PKD1L1: variants seen among roughly 807,000 people sequenced by gnomAD.
PKD1L1 encodes polycystin 1 like 1, transient receptor potential channel interacting, also known as polycystin-1-like protein 1.
Under a neutral mutation model 323.4 loss-of-function variants are expected in PKD1L1, and 236 were observed. The ratio of observed to expected loss-of-function variants is 0.73; its 90% CI spans 0.66 to 0.81. The LOEUF (loss-of-function observed/expected upper bound fraction) is 0.81, where lower values mean the gene tolerates loss of function less well. PKD1L1 is among the 40% of genes least tolerant of loss of function. PKD1L1 has a pLI of 0.00. For missense variants in PKD1L1, 3,320 were observed against 3,508.0 expected (o/e 0.95, Z 1.35); for synonymous variants, 1,344 against 1,335.0 (o/e 1.01, Z -0.15).
chr7:47,819,708 C>A, intron 46 of PKD1L1: 1 of 538,634 alleles, frequency 1.9e-6, no homozygotes, highest in Non-Finnish European at 3.0e-6. Flanking sequence ...AGCACTGGGA[C>A]TTCCAGGTCT....
the PKD1L1 span, among the ~76,000 whole-genome samples, chr7:47,955,224 CA>C: frequency 6.6e-6 from 1 of 152,086 alleles, no homozygotes; most frequent in Admixed American, 6.6e-5. Context: ...GGCATAACAT[CA>C]AAATGACAAA....
intron 56 of PKD1L1, among the ~76,000 whole-genome samples, chr7:47,784,634 G>A (rs6950124): frequency 0.28 from 42,074 of 151,480 alleles, 6,116 homozygotes; most frequent in East Asian, 0.57. Flanking sequence ...CATTATGCCC[G>A]CTAATTTTTT....
intron 56 of PKD1L1, among the ~76,000 whole-genome samples, chr7:47,790,048 C>G (rs1174019818): frequency 6.6e-6 from 1 of 150,822 alleles, no homozygotes; most frequent in Non-Finnish European, 1.5e-5. Flanking sequence ...GCCATGACGC[C>G]CAGCTAATTT....
intron 7 of PKD1L1, among the ~76,000 whole-genome samples, chr7:47,921,273 CAGCA>C (rs1487780354): frequency 2.0e-5 from 3 of 148,532 alleles, no homozygotes; most frequent in Non-Finnish European, 4.5e-5. Flanking sequence ...TACAAATGGC[CAGCA>C]AACATATGAA....
chr7:47,831,408 C>A, intron 41 of PKD1L1, 56 bp from the exon 42 acceptor site: 1 of 1,562,896 alleles, frequency 6.4e-7, no homozygotes, highest in Non-Finnish European at 8.7e-7. Context: ...CATCTCCATC[C>A]ACGCGGAGTG....
At chr7:47,801,846 T>C (rs1784669065) in intron 53 of PKD1L1, among the ~76,000 whole-genome samples, 2 of 152,242 alleles carry the variant, frequency 1.3e-5, no homozygotes, top group Non-Finnish European at 2.9e-5. Flanking sequence ...AGAATTCTGC[T>C]ACTTAATTTG....
intron 52 of PKD1L1, among the ~76,000 whole-genome samples, chr7:47,807,585 G>A (rs3887211): frequency 0.65 from 98,189 of 152,012 alleles, 31,892 homozygotes; most frequent in South Asian, 0.69. Context: ...AGGAGGCAGA[G>A]TATGTGGGCT....
chr7:47,922,887 G>T (rs944382493), intron 7 of PKD1L1, among the ~76,000 whole-genome samples: 3 of 152,224 alleles, frequency 2.0e-5, no homozygotes, highest in African/African-American at 7.2e-5. Flanking sequence ...CGGTTTTGTC[G>T]AATAGAAAAG....
At chr7:47,930,884 T>C (rs958043070) in intron 6 of PKD1L1, among the ~76,000 whole-genome samples, 8 of 152,140 alleles carry the variant, frequency 5.3e-5, no homozygotes, top group African/African-American at 1.9e-4. Flanking sequence ...CAGTATGTGA[T>C]TGATGGGAAA....
At chr7:47,836,804 T>A (rs1383573195) in intron 37 of PKD1L1, 117 bp downstream of exon 37, 7 of 1,277,234 alleles carry the variant, frequency 5.5e-6, no homozygotes, top group Non-Finnish European at 7.5e-6. Flanking sequence ...CCAGGCTTGC[T>A]TCCCCTGGTT....
chr7:47,893,917 G>C lies in PKD1L1; in HGVS notation c.2414C>G (p.Thr805Ser). 1 of 1,614,016 alleles carries C rather than the reference G, an allele frequency of 6.2e-7. No individual in the cohort carries two copies. The highest frequency in any genetic ancestry group is 8.5e-7 in the Non-Finnish European group (1 of 1,180,006). Residue 805 changes from threonine to serine, a missense_variant, in exon 15 of 57, where the codon ACC (threonine) becomes AGC (serine). By Grantham distance (58) the Thr-to-Ser change is moderately conservative. Transcript: ENST00000289672. ...TTSSPIVLRG[T>S]QSFDPDDPGA... ...AGGGTCGTCAGGGTCGAAGGACTGG[G>C]TCCCTCTGAGGACAATGGGGGATGA...
rs1163862466 is a variant in PKD1L1 at position 47,881,498 on chromosome 7, T to C, written c.3442+411A>G. ...ACACGAAAGGGGGAAATACAACAAATTGAGCAAAAGCACCATGTCTGGGCT... is the reference window on the plus strand; with the variant it reads ...ACACGAAAGGGGGAAATACAACAAACTGAGCAAAAGCACCATGTCTGGGCT... On this transcript the variant is annotated intron_variant, in intron 20 of 56. Coordinates refer to ENST00000289672, the MANE Select transcript of PKD1L1 (RefSeq NM_138295.5). Among the ~76,000 whole-genome samples the C allele has an allele frequency of 2.0e-5, 3 of 152,250 alleles. No homozygotes were observed. In the East Asian group the frequency reaches 5.8e-4, roughly 29 times the overall value.
intron 24 of PKD1L1, among the ~76,000 whole-genome samples, chr7:47,867,425 T>C (rs911422694): frequency 6.6e-6 from 1 of 152,004 alleles, no homozygotes; most frequent in African/African-American, 2.4e-5. Flanking sequence ...AATAAACATA[T>C]AAACCAATGA....
At chr7:47,822,594 CAAAAAAA>C (rs745820560) in intron 45 of PKD1L1, among the ~76,000 whole-genome samples, 2 of 71,402 alleles carry the variant, frequency 2.8e-5, no homozygotes, top group African/African-American at 5.9e-5. Context: ...GACTCCGTCT[CAAAAAAA>C]AAAAAAAAAA....
chr7:47,884,489 G>A lies in PKD1L1; in HGVS notation c.3265+109C>T. On this transcript the variant is annotated intron_variant, in intron 19 of 56. Transcript: ENST00000289672. Reference sequence around the variant, plus strand: ...GAGTTCAACTTTTCCCTGTGATTCTGTGGAGCTCTCAGTGGCTGTGTAAGG... The same window carrying A: ...GAGTTCAACTTTTCCCTGTGATTCTATGGAGCTCTCAGTGGCTGTGTAAGG... The A allele has an allele frequency of 5.2e-6, 5 of 956,862 alleles. No homozygotes were observed. In the South Asian group the frequency reaches 5.5e-5, roughly 10 times the overall value. 59.3% of individuals were successfully genotyped at this position (956,862 alleles called of 1,614,324 possible). A position where few individuals can be genotyped will look rare whatever the true frequency, so the allele number is the denominator to read the frequency against.
intron 12 of PKD1L1, among the ~76,000 whole-genome samples, chr7:47,903,538 A>G (rs566681631): frequency 6.6e-6 from 1 of 152,302 alleles, no homozygotes; most frequent in African/African-American, 2.4e-5. Flanking sequence ...TCCTGAATCC[A>G]TAGTTAGTGA....
In PKD1L1 at chr7:47,815,351, G is replaced by A. The variant is rs143119133; in HGVS notation, c.7072C>T (p.Arg2358Cys). 1,372 of 1,613,956 alleles carry A rather than the reference G, an allele frequency of 8.5e-4. 14 individuals are homozygous for A. In the African/African-American group the frequency reaches 0.016, roughly 18 times the overall value. Residue 2358 changes from arginine (R) to cysteine (C), a missense_variant, in exon 47 of 57, where the codon CGT (arginine) becomes TGT (cysteine). Coordinates refer to ENST00000289672, the MANE Select transcript of PKD1L1 (RefSeq NM_138295.5). ...GLYPGGTPSA[R>C]VPGAQPGALG... is the part of the protein sequence containing the mutation. ...AAGCTCACCTGAGCCCCCGGCACAC[G>A]GGCTGACGGGGTGCCTCCCGGGTAC...
intron 3 of PKD1L1, among the ~76,000 whole-genome samples, chr7:47,938,394 A>G (rs1787912318): frequency 1.3e-5 from 2 of 152,150 alleles, no homozygotes; most frequent in Non-Finnish European, 1.5e-5. Context: ...CTCCCAGAGC[A>G]GGACCTGGGT....
intron 48 of PKD1L1, 79 bp from the exon 49 acceptor site, chr7:47,813,372 C>A: frequency 6.8e-7 from 1 of 1,475,160 alleles, no homozygotes; most frequent in Non-Finnish European, 9.3e-7. Context: ...CCAGGCCTGG[C>A]CACATGTGAA....
Sources: gnomAD v4.1 joint callset for allele counts (sites outside exome capture counted in the v4.1 genomes callset) on GRCh38, gnomAD v4.1.1 for gene constraint, MANE v1.5 for transcripts, NCBI Gene and HGNC (gene_info 2026-07-23, HGNC 2026-07-21) for gene names.